The following ZCCHC7 variants were observed in gnomAD, a reference collection of about 807,000 sequenced individuals.
The protein encoded by ZCCHC7 is zinc finger CCHC-type containing 7.
Under a neutral mutation model 52.0 loss-of-function variants are expected in ZCCHC7, and 35 were observed. That is an observed-to-expected ratio of 0.67 (90% CI 0.51 to 0.89). ZCCHC7 has a LOEUF of 0.89. Ranked by LOEUF, ZCCHC7 falls within the 40% of genes least tolerant of loss-of-function variation. The pLI, the probability that ZCCHC7 is intolerant of heterozygous loss-of-function variation, is 0.00. For missense variants in ZCCHC7, 574 were observed against 649.1 expected, an observed-to-expected ratio of 0.88 and a Z score of 1.26; for synonymous variants, 217 against 221.5, an observed-to-expected ratio of 0.98 and a Z score of 0.18.
intron 2 of ZCCHC7, among the ~76,000 whole-genome samples, chr9:37,132,816 A>G (rs893786313): frequency 4.6e-5 from 7 of 152,168 alleles, no homozygotes; most frequent in Admixed American, 3.3e-4. Context: ...CATAAAAAAC[A>G]CTAATACTGA....
chr9:37,133,411 T>G (rs1842873846), intron 2 of ZCCHC7, among the ~76,000 whole-genome samples: 1 of 97,358 alleles, frequency 1.0e-5, no homozygotes, highest in South Asian at 2.8e-4. Flanking sequence ...GTCTTGCTCT[T>G]GTCACCCAGG....
intron 2 of ZCCHC7, among the ~76,000 whole-genome samples, chr9:37,280,362 A>C (rs1285917096): frequency 6.6e-6 from 1 of 152,220 alleles, no homozygotes; most frequent in African/African-American, 2.4e-5. Context: ...AGATCAGAGT[A>C]ATACTGTATG....
At chr9:37,208,360 ACAGACGTGAGCCAC>A (rs1189379459) in intron 2 of ZCCHC7, among the ~76,000 whole-genome samples, 2 of 152,196 alleles carry the variant, frequency 1.3e-5, no homozygotes, top group African/African-American at 4.8e-5. Flanking sequence ...TGTTAGGATC[ACAGACGTGAGCCAC>A]CACTCCCGGC....
chr9:37,295,049 G>A (rs575932343), intron 2 of ZCCHC7, among the ~76,000 whole-genome samples: 1 of 152,270 alleles, frequency 6.6e-6, no homozygotes, highest in African/African-American at 2.4e-5. Flanking sequence ...ATGTTTGGAA[G>A]ATATAAAGAT....
Position 37,349,468 on chromosome 9 carries a change from A to G in ZCCHC7, c.1083+16A>G. ...TTATGGACACGTAAGTTTGAGTGAC[A>G]TTTGGGCATGAAGCATTCTGTTGTC... On this transcript the variant is annotated intron_variant, in intron 7 of 8. Transcript: ENST00000336755. 6.2e-7 allele frequency: 1 copy of G among 1,611,182 alleles called. No homozygotes were observed. Among genetic ancestry groups the G allele is most frequent in the Non-Finnish European group, 8.5e-7 (1 of 1,177,830 alleles).
At chr9:37,338,251 C>T (rs1047712438) in intron 6 of ZCCHC7, among the ~76,000 whole-genome samples, 2 of 151,996 alleles carry the variant, frequency 1.3e-5, no homozygotes, top group Non-Finnish European at 2.9e-5. Flanking sequence ...TTATAAAACT[C>T]GTGCTTCTTT....
chr9:37,150,768 A>G (rs185497939), intron 2 of ZCCHC7, among the ~76,000 whole-genome samples: 2 of 152,286 alleles, frequency 1.3e-5, no homozygotes, highest in Admixed American at 1.3e-4. Context: ...ATTAATGTCT[A>G]TGAAGTTTGT....
intron 2 of ZCCHC7, among the ~76,000 whole-genome samples, chr9:37,258,757 TAAAAAAAA>T (rs5897683): frequency 1.3e-4 from 7 of 55,362 alleles, no homozygotes; most frequent in African/African-American, 4.3e-4. Context: ...TCCTGTCTCT[TAAAAAAAA>T]AAAAAAAAAA....
chr9:37,355,614 T>C (rs546204242), intron 8 of ZCCHC7, among the ~76,000 whole-genome samples: 146 of 152,336 alleles, frequency 9.6e-4, no homozygotes, highest in African/African-American at 3.4e-3. Context: ...TCTACAGCTA[T>C]CCCTGGATAT....
At chr9:37,303,472 C>G (rs1829135452) in intron 3 of ZCCHC7, among the ~76,000 whole-genome samples, 1 of 150,892 alleles carries the variant, frequency 6.6e-6, no homozygotes, top group Non-Finnish European at 1.5e-5. Context: ...GTGGCTTTGA[C>G]TGAATGCTAC....
In ZCCHC7 at chr9:37,304,312, G is replaced by A. The variant is rs143671666; in HGVS notation, c.779G>A (p.Arg260Gln). ...GHLSKNCPLP[R>Q]KVRRCFLCSR... ...TTATCAAAAAACTGCCCCTTACCAC[G>A]AGTACGTGAAATATGCTTTGCTTCT... The change falls in exon 4 of 9, where the codon CGA becomes CAA. Residue 260 changes from arginine (R) to glutamine (Q), a missense_variant and splice_region_variant. This residue lies in a region of ZCCHC7 where 403 missense variants were observed against 461.2 expected (regional missense o/e 0.87). Coordinates refer to ENST00000336755, the MANE Select transcript of ZCCHC7 (RefSeq NM_032226.3). 227 of 1,612,408 alleles carry A rather than the reference G, an allele frequency of 1.4e-4. No individual in the cohort carries two copies. The East Asian group carries it at 3.0e-3, about 22-fold the overall frequency.
intron 2 of ZCCHC7, among the ~76,000 whole-genome samples, chr9:37,220,106 T>C (rs1387194381): frequency 1.3e-5 from 2 of 152,248 alleles, no homozygotes; most frequent in East Asian, 1.9e-4. Flanking sequence ...TACGTACAAG[T>C]AATCAGTAAG....
chr9:37,237,795 A>G (rs1825720951), intron 2 of ZCCHC7, among the ~76,000 whole-genome samples: 1 of 152,234 alleles, frequency 6.6e-6, no homozygotes, highest in Admixed American at 6.5e-5. Context: ...GACAGATGGT[A>G]TTAAGAGCCA....
At chr9:37,295,605 T>G (rs1262223349) in intron 2 of ZCCHC7, among the ~76,000 whole-genome samples, 1 of 152,124 alleles carries the variant, frequency 6.6e-6, no homozygotes, top group South Asian at 2.1e-4. Flanking sequence ...GTATTTGATA[T>G]GAAAAGTGAG....
At chr9:37,264,446 TA>T (rs1243581013) in intron 2 of ZCCHC7, among the ~76,000 whole-genome samples, 4 of 126,798 alleles carry the variant, frequency 3.2e-5, no homozygotes, top group Admixed American at 1.5e-4. Flanking sequence ...CTGATGAAGA[TA>T]TTTTAAATAG....
intron 2 of ZCCHC7, among the ~76,000 whole-genome samples, chr9:37,201,775 A>G (rs1243656946): frequency 6.6e-6 from 1 of 152,220 alleles, no homozygotes; most frequent in African/African-American, 2.4e-5. Context: ...TAGGGCTTCT[A>G]AGCCACCACT....
chr9:37,125,035 A>G (rs1842483713), intron 1 of ZCCHC7, among the ~76,000 whole-genome samples: 1 of 152,168 alleles, frequency 6.6e-6, no homozygotes, highest in African/African-American at 2.4e-5. Context: ...TATTTTTAGC[A>G]GATATGTAGT....
At chr9:37,174,877 C>G (rs1389284467) in intron 2 of ZCCHC7, among the ~76,000 whole-genome samples, 1 of 152,150 alleles carries the variant, frequency 6.6e-6, no homozygotes, top group African/African-American at 2.4e-5. Flanking sequence ...TGGCACACGT[C>G]TGTAATCCCA....
intron 6 of ZCCHC7, among the ~76,000 whole-genome samples, chr9:37,343,264 T>TC (rs1164273673): frequency 1.3e-5 from 2 of 152,244 alleles, no homozygotes; most frequent in African/African-American, 2.4e-5. Context: ...CATTTAGGAT[T>TC]CATTCTATAG....
Sources: gnomAD v4.1 joint callset for allele counts (sites outside exome capture counted in the v4.1 genomes callset) on GRCh38, gnomAD v4.1.1 for gene constraint, gnomAD v4.1.1 regional missense constraint, MANE v1.5 for transcripts, NCBI Gene and HGNC (gene_info 2026-07-23, HGNC 2026-07-21) for gene names.